Variants in NELL1 observed in about 807,000 individuals in gnomAD.
NELL1 encodes neural EGFL like 1.
A neutral mutation model predicts 107.4 loss-of-function variants in NELL1; 76 were observed. The observed-to-expected ratio is 0.71, with a 90% CI of 0.59 to 0.86. The LOEUF (loss-of-function observed/expected upper bound fraction) is 0.86. NELL1 is among the 40% of genes least tolerant of loss of function. The pLI, the probability that NELL1 is intolerant of heterozygous loss-of-function variation, is 0.00. For synonymous variants in NELL1, 353 were observed against 341.2 expected (o/e 1.03, Z -0.38); for missense variants, 1,024 against 1,005.5 (o/e 1.02, Z -0.25).
At chr11:20,798,069 T>C (rs557283973) in intron 3 of NELL1, among the ~76,000 whole-genome samples, 1 of 152,266 alleles carries the variant, frequency 6.6e-6, no homozygotes, top group South Asian at 2.1e-4. Context: ...CCTAGCACAG[T>C]GTAGACATAG....
intron 16 of NELL1, among the ~76,000 whole-genome samples, chr11:21,558,343 A>G (rs1475209317): frequency 6.6e-6 from 1 of 151,912 alleles, no homozygotes; most frequent in African/African-American, 2.4e-5. Context: ...ATGGTGTACA[A>G]CATGATGTTT....
intron 5 of NELL1, among the ~76,000 whole-genome samples, chr11:20,907,232 C>A (rs375369602): frequency 1.6e-3 from 196 of 124,892 alleles, no homozygotes; most frequent in Non-Finnish European, 2.2e-3. Flanking sequence ...GACTCCATCT[C>A]AAAAAAAAAA....
rs573021294 is a variant in NELL1 at position 21,086,746 on chromosome 11, T to C, written c.1301-26843T>C. ...GTGTGACTTTCAGATAAAGAGCTTCTGATTTGAAAGGCAGATAGAAAAAAC... is the reference window on the plus strand; with the variant it reads ...GTGTGACTTTCAGATAAAGAGCTTCCGATTTGAAAGGCAGATAGAAAAAAC... On this transcript the variant is annotated intron_variant, in intron 12 of 19. Coordinates refer to ENST00000357134, the MANE Select transcript of NELL1 (RefSeq NM_006157.5). Among the ~76,000 whole-genome samples, 16 of 152,170 alleles carry C rather than the reference T, an allele frequency of 1.1e-4. No homozygotes were observed. In the South Asian group the frequency reaches 3.1e-3, roughly 30 times the overall value.
At chr11:21,326,430 T>G (rs534419205) in intron 14 of NELL1, among the ~76,000 whole-genome samples, 42 of 152,220 alleles carry the variant, frequency 2.8e-4, no homozygotes, top group Admixed American at 8.5e-4. Context: ...ATTTCCCTGG[T>G]CCAATGTCTG....
At chr11:20,752,676 C>A (rs920413543) in intron 2 of NELL1, among the ~76,000 whole-genome samples, 1 of 152,104 alleles carries the variant, frequency 6.6e-6, no homozygotes, top group Non-Finnish European at 1.5e-5. Context: ...GTCATTTCAA[C>A]AGTAGGAGCT....
chr11:20,687,073 G>C (rs1253319115), intron 2 of NELL1, among the ~76,000 whole-genome samples: 3 of 126,708 alleles, frequency 2.4e-5, no homozygotes, highest in Non-Finnish European at 5.0e-5. Context: ...TTTTTAGTTT[G>C]ATTATGTTAT....
At chr11:20,994,968 T>A (rs1852056962) in intron 12 of NELL1, among the ~76,000 whole-genome samples, 1 of 152,208 alleles carries the variant, frequency 6.6e-6, no homozygotes, top group South Asian at 2.1e-4. Context: ...CATTTTCATA[T>A]TTCCACCACC....
At chr11:21,449,075 T>C (rs533950120) in intron 15 of NELL1, among the ~76,000 whole-genome samples, 120 of 152,208 alleles carry the variant, frequency 7.9e-4, no homozygotes, top group Non-Finnish European at 1.4e-3. Flanking sequence ...TACCCAGTAG[T>C]GAAATGGCTA....
At chr11:21,152,451 C>A (rs1856140153) in intron 13 of NELL1, among the ~76,000 whole-genome samples, 1 of 152,162 alleles carries the variant, frequency 6.6e-6, no homozygotes, top group South Asian at 2.1e-4. Flanking sequence ...CAAAAGACAT[C>A]ATTTCAAGTA....
chr11:21,473,999 G>A (rs1448309559), intron 15 of NELL1, among the ~76,000 whole-genome samples: 2 of 151,988 alleles, frequency 1.3e-5, no homozygotes, highest in East Asian at 3.9e-4. Flanking sequence ...TGTTACGTAC[G>A]AGGTACTATT....
chr11:21,323,117 T>C (rs1015611189), intron 14 of NELL1, among the ~76,000 whole-genome samples: 1 of 152,194 alleles, frequency 6.6e-6, no homozygotes, highest in African/African-American at 2.4e-5. Flanking sequence ...TACAAAACAA[T>C]GAAGTAGAGT....
intron 16 of NELL1, among the ~76,000 whole-genome samples, chr11:21,536,300 A>ATCTT (rs1564947361): frequency 6.6e-6 from 1 of 151,914 alleles, no homozygotes; most frequent in Non-Finnish European, 1.5e-5. Context: ...TTTTGTTCCT[A>ATCTT]TCTTTGTGTC....
At chr11:20,692,424 G>A (rs999120037) in intron 2 of NELL1, among the ~76,000 whole-genome samples, 1 of 151,744 alleles carries the variant, frequency 6.6e-6, no homozygotes, top group Non-Finnish European at 1.5e-5. Context: ...TGGGCATTTA[G>A]TGCTATAAAT....
chr11:20,780,433 G>C (rs1856830007), intron 2 of NELL1, among the ~76,000 whole-genome samples: 1 of 152,134 alleles, frequency 6.6e-6, no homozygotes, highest in East Asian at 1.9e-4. Flanking sequence ...AAAATAAATG[G>C]AAAATACATT....
intron 15 of NELL1, among the ~76,000 whole-genome samples, chr11:21,395,203 G>A (rs945634062): frequency 6.6e-6 from 1 of 151,488 alleles, no homozygotes; most frequent in African/African-American, 2.4e-5. Flanking sequence ...GATTAATACT[G>A]AGAAGAGCTG....
At chr11:21,326,022 C>A (rs1333194048) in intron 14 of NELL1, among the ~76,000 whole-genome samples, 1 of 137,726 alleles carries the variant, frequency 7.3e-6, no homozygotes, top group Middle Eastern at 3.9e-3. Context: ...ATTTGTTTAT[C>A]CACCACGGAT....
At chr11:20,942,185 A>G (rs1850868939) in intron 10 of NELL1, among the ~76,000 whole-genome samples, 7 of 152,254 alleles carry the variant, frequency 4.6e-5, no homozygotes, top group Admixed American at 4.6e-4. Context: ...GCTGGGAAGG[A>G]AAGACATTCC....
intron 12 of NELL1, among the ~76,000 whole-genome samples, chr11:21,060,532 TA>T (rs1853714187): frequency 6.6e-6 from 1 of 152,310 alleles, no homozygotes; most frequent in African/African-American, 2.4e-5. Context: ...TGACATCTGG[TA>T]AAATGTTATA....
At chr11:21,136,655 A>G (rs1855750583) in intron 13 of NELL1, among the ~76,000 whole-genome samples, 1 of 152,180 alleles carries the variant, frequency 6.6e-6, no homozygotes, top group Admixed American at 6.5e-5. Flanking sequence ...ACACTGTATT[A>G]CTATCTCTAA....
Sources: allele counts gnomAD v4.1 joint callset (sites outside exome capture counted in the v4.1 genomes callset), GRCh38; gene constraint gnomAD v4.1.1; transcripts MANE v1.5; gene names NCBI Gene and HGNC (gene_info 2026-07-23, HGNC 2026-07-21).